POF1B: variants seen among roughly 807,000 people sequenced by gnomAD.
POF1B encodes POF1B actin binding protein.
A neutral mutation model predicts 55.3 loss-of-function variants in POF1B; 53 were observed. The ratio of observed to expected loss-of-function variants is 0.96; its 90% CI spans 0.77 to 1.20. The LOEUF (loss-of-function observed/expected upper bound fraction) is 1.20. POF1B is among the 50% of genes most tolerant of loss of function. The probability of loss-of-function intolerance (pLI) is 0.00; values close to 1 mark genes in which losing one functional copy is unlikely to be tolerated. For synonymous variants in POF1B, 188 were observed against 148.3 expected (o/e 1.27, Z -1.95); for missense variants, 478 against 420.5 (o/e 1.14, Z -1.20).
intron 15 of POF1B, among the ~76,000 whole-genome samples, chrX:85,285,403 A>G (rs1321780606): frequency 9.0e-6 from 1 of 111,037 alleles, no homozygotes; most frequent in Non-Finnish European, 1.9e-5. Context: ...AACCAACCCA[A>G]ATGTCCATCA....
chrX:85,308,889 G>A (rs963499015), intron 9 of POF1B, among the ~76,000 whole-genome samples: 9 of 110,511 alleles, frequency 8.1e-5, no homozygotes, highest in Non-Finnish European at 1.5e-4. Flanking sequence ...TGTTGGCCAG[G>A]CTGGTCTCGA....
chrX:85,379,529 A>C, intron 1 of POF1B, 34 bp from the exon 2 acceptor site: 1 of 1,079,565 alleles, frequency 9.3e-7, no homozygotes, highest in Non-Finnish European at 1.2e-6. Flanking sequence ...AATGGAAAAA[A>C]AAGACAGGCA....
intron 3 of POF1B, among the ~76,000 whole-genome samples, chrX:85,366,697 A>G (rs184228962): frequency 7.2e-5 from 8 of 110,995 alleles, no homozygotes; most frequent in African/African-American, 2.0e-4. Context: ...CCACTGTCCA[A>G]TGGTTTGTTA....
At chrX:85,378,312 G>T (rs1933954562) in intron 2 of POF1B, among the ~76,000 whole-genome samples, 1 of 111,315 alleles carries the variant, frequency 9.0e-6, no homozygotes, top group Non-Finnish European at 1.9e-5. Context: ...ATTTCAGTTT[G>T]GACAGAATTT....
intron 6 of POF1B, among the ~76,000 whole-genome samples, chrX:85,343,933 C>A (rs1228243588): frequency 9.0e-5 from 10 of 111,193 alleles, no homozygotes; most frequent in Non-Finnish European, 1.9e-4. Context: ...GCTGTATAAG[C>A]CTTTGCAAAT....
At chrX:85,374,337 G>A (rs1402043867) in intron 2 of POF1B, among the ~76,000 whole-genome samples, 2 of 111,116 alleles carry the variant, frequency 1.8e-5, no homozygotes, top group Admixed American at 9.6e-5. Context: ...AACCTCTTCA[G>A]TCAAGACCTG....
intron 6 of POF1B, among the ~76,000 whole-genome samples, chrX:85,342,389 T>C (rs989059867): frequency 1.3e-4 from 14 of 111,804 alleles, no homozygotes; most frequent in Non-Finnish European, 2.5e-4. Context: ...ATATTGGTGA[T>C]TTGAAACATT....
intron 15 of POF1B, among the ~76,000 whole-genome samples, chrX:85,284,323 A>G (rs747461629): frequency 8.9e-6 from 1 of 111,881 alleles, no homozygotes; most frequent in South Asian, 3.7e-4. Flanking sequence ...TTCATATGGA[A>G]CCAAAAAAGA....
intron 15 of POF1B, among the ~76,000 whole-genome samples, chrX:85,293,104 G>C (rs1932228892): frequency 8.9e-6 from 1 of 111,929 alleles, no homozygotes; most frequent in African/African-American, 3.2e-5. Context: ...CAGCCATTAT[G>C]AAAGTGTGGC....
chrX:85,281,228 C>T (rs889770135), intron 16 of POF1B, among the ~76,000 whole-genome samples: 1 of 107,925 alleles, frequency 9.3e-6, no homozygotes, highest in African/African-American at 3.4e-5. Context: ...CGGTATGACA[C>T]GTACTTAGAA....
intron 2 of POF1B, among the ~76,000 whole-genome samples, chrX:85,368,120 T>C (rs747739768): frequency 1.8e-5 from 2 of 111,971 alleles, no homozygotes; most frequent in South Asian, 3.7e-4. Flanking sequence ...TTTCTTTCAG[T>C]ATTTGTTCTA....
At chrX:85,320,878 C>T (rs1418621004) in intron 7 of POF1B, among the ~76,000 whole-genome samples, 1 of 110,206 alleles carries the variant, frequency 9.1e-6, no homozygotes, top group Non-Finnish European at 1.9e-5. Flanking sequence ...TACACTCTCC[C>T]AAGACTAAAC....
intron 11 of POF1B, among the ~76,000 whole-genome samples, chrX:85,306,627 T>TA (rs886527489): frequency 1.8e-5 from 2 of 110,856 alleles, no homozygotes; most frequent in Non-Finnish European, 3.8e-5. Context: ...TGCTTTCTAG[T>TA]AGGCACAGAA....
intron 3 of POF1B, among the ~76,000 whole-genome samples, chrX:85,361,408 A>G (rs142277064): frequency 1.3e-3 from 140 of 111,971 alleles, no homozygotes; most frequent in Middle Eastern, 9.2e-3. Context: ...GAAGGGGTCC[A>G]GTTTCAATCT....
intron 7 of POF1B, among the ~76,000 whole-genome samples, chrX:85,321,816 C>G (rs1282757264): frequency 1.9e-5 from 2 of 106,312 alleles, no homozygotes; most frequent in Non-Finnish European, 3.8e-5. Flanking sequence ...AACAGAGAGC[C>G]AAATCATGAG....
intron 5 of POF1B, among the ~76,000 whole-genome samples, chrX:85,348,302 T>C (rs1318970625): frequency 9.0e-6 from 1 of 111,266 alleles, no homozygotes; most frequent in African/African-American, 3.3e-5. Flanking sequence ...TTAAAATATA[T>C]AGTAAGCTGA....
rs746725541 is a variant in POF1B, at chrX:85,315,279, A to G, written c.882+428T>C. Among the ~76,000 whole-genome samples the G allele has an allele frequency of 3.6e-5, 4 of 111,505 alleles. No individual in the cohort carries two copies. In the East Asian group the frequency reaches 1.1e-3, roughly 31 times the overall value. ...TTTTTACTTTAAGTTGCTGACTGGC[A>G]TGGCACATATAAGGTTTTGAAGCAT... On this transcript the variant is annotated intron_variant, in intron 8 of 16. Transcript: ENST00000262753.
intron 3 of POF1B, among the ~76,000 whole-genome samples, chrX:85,360,244 T>A (rs1933580375): frequency 1.9e-5 from 2 of 107,511 alleles, no homozygotes; most frequent in Admixed American, 1.0e-4. Flanking sequence ...TTGTACAGAT[T>A]ATGTCATCAC....
chrX:85,315,802 G>C (rs1932782496), intron 7 of POF1B, 68 bp from the exon 8 acceptor site: 1 of 831,210 alleles, frequency 1.2e-6, no homozygotes, highest in Admixed American at 3.6e-5. Flanking sequence ...ATAAATGCTA[G>C]TTTTCTATTA....
Sources: gnomAD v4.1 joint callset for allele counts (sites outside exome capture counted in the v4.1 genomes callset) on GRCh38, gnomAD v4.1.1 for gene constraint, MANE v1.5 for transcripts, NCBI Gene and HGNC (gene_info 2026-07-23, HGNC 2026-07-21) for gene names.